The following CADPS variants were observed in gnomAD, a reference collection of about 807,000 sequenced individuals.
CADPS encodes the protein calcium dependent secretion activator.
Under a neutral mutation model 167.3 loss-of-function variants are expected in CADPS, and 57 were observed. The observed-to-expected ratio is 0.34, with a 90% CI of 0.28 to 0.42. The LOEUF is 0.42. Ranked by LOEUF, CADPS falls within the 20% of genes least tolerant of loss-of-function variation. The pLI is 1.00. For missense variants in CADPS, 1,414 were observed against 1,738.1 expected (o/e 0.81, Z 3.32); for synonymous variants, 676 against 635.3 (o/e 1.06, Z -0.96).
chr3:62,798,448 C>T (rs1375781642), intron 1 of CADPS, among the ~76,000 whole-genome samples: 2 of 152,132 alleles, frequency 1.3e-5, no homozygotes, highest in Non-Finnish European at 2.9e-5. Context: ...GAAGCCTGCA[C>T]TGTTGGCTTA....
At chr3:62,588,825 T>A (rs560052883) in intron 7 of CADPS, among the ~76,000 whole-genome samples, 1 of 152,252 alleles carries the variant, frequency 6.6e-6, no homozygotes, top group South Asian at 2.1e-4. Flanking sequence ...CCAAATATAA[T>A]GATTTCAGGC....
intron 16 of CADPS, among the ~76,000 whole-genome samples, chr3:62,515,601 AC>A (rs1285622038): frequency 6.6e-6 from 1 of 152,048 alleles, no homozygotes; most frequent in Non-Finnish European, 1.5e-5. Flanking sequence ...AAGACAAGGT[AC>A]TTTTGGGGGC....
chr3:62,702,700 T>C (rs1048595751), intron 3 of CADPS, among the ~76,000 whole-genome samples: 2 of 152,120 alleles, frequency 1.3e-5, no homozygotes, highest in Non-Finnish European at 2.9e-5. Flanking sequence ...GCCTTCTTCA[T>C]TATGACAGCT....
At chr3:62,859,700 A>G (rs777961553) in intron 1 of CADPS, among the ~76,000 whole-genome samples, 1 of 152,218 alleles carries the variant, frequency 6.6e-6, no homozygotes, top group Non-Finnish European at 1.5e-5. Context: ...AAGGCTGACA[A>G]ATTATGTGGG....
intron 1 of CADPS, among the ~76,000 whole-genome samples, chr3:62,781,076 T>C (rs973310412): frequency 6.6e-6 from 1 of 152,202 alleles, no homozygotes; most frequent in East Asian, 1.9e-4. Context: ...TCTGCTAATA[T>C]GAATGAGATA....
intron 22 of CADPS, among the ~76,000 whole-genome samples, chr3:62,480,190 C>G (rs1177993691): frequency 1.3e-5 from 2 of 152,018 alleles, no homozygotes; most frequent in Non-Finnish European, 2.9e-5. Context: ...GAGCAGTTAC[C>G]AAAATGTGTT....
At chr3:62,564,512 C>T (rs1274110127) in intron 9 of CADPS, among the ~76,000 whole-genome samples, 2 of 151,928 alleles carry the variant, frequency 1.3e-5, no homozygotes, top group Admixed American at 6.6e-5. Flanking sequence ...TTAGAGGAAC[C>T]ACAGAATATT....
At chr3:62,634,898 A>T (rs969358537) in intron 6 of CADPS, among the ~76,000 whole-genome samples, 2 of 152,144 alleles carry the variant, frequency 1.3e-5, no homozygotes, top group Admixed American at 1.3e-4. Flanking sequence ...GATAAGTGAG[A>T]TGAAGGAAGG....
chr3:62,823,412 T>A (rs1048175679), intron 1 of CADPS, among the ~76,000 whole-genome samples: 6 of 152,186 alleles, frequency 3.9e-5, no homozygotes, highest in African/African-American at 1.4e-4. Context: ...TTTTTCCTCA[T>A]TGAGGGCAAT....
chr3:62,527,648 G>T (rs559103314), intron 13 of CADPS, among the ~76,000 whole-genome samples: 1 of 152,294 alleles, frequency 6.6e-6, no homozygotes, highest in South Asian at 2.1e-4. Context: ...CAAGTTTCCA[G>T]AGCAGTTGGG....
In CADPS at chr3:62,873,137, A is replaced by G. The variant is rs566751755; in HGVS notation, c.441+1452T>C. ...GTGTGTAACCCACCTCCTGTCTCTC[A>G]CCCTGGAAATCAGTTTTATCTTTTA... is the stretch of plus-strand genomic sequence containing the variant. On this transcript the variant is annotated intron_variant, in intron 1 of 29. Transcript: ENST00000383710. Among the ~76,000 whole-genome samples, 5 of 152,330 alleles carry G rather than the reference A, an allele frequency of 3.3e-5. No individual in the cohort carries two copies. In the South Asian group the frequency reaches 1.0e-3, roughly 32 times the overall value.
chr3:62,766,277 A>T (rs2086840625), intron 1 of CADPS, among the ~76,000 whole-genome samples: 1 of 152,238 alleles, frequency 6.6e-6, no homozygotes, highest in African/African-American at 2.4e-5. Context: ...AGTGCTTTTG[A>T]GGTTACTTAC....
In CADPS at chr3:62,736,548, A is replaced by G. The variant is rs915089833; in HGVS notation, c.888+16893T>C. 2.6e-5 allele frequency among the ~76,000 whole-genome samples: 4 copies of G among 152,190 alleles called. No homozygotes were observed. The East Asian group carries it at 7.7e-4, about 29-fold the overall frequency. ...TTGCATAAACATTCTTGACCCATAA[A>G]TTCTACAACTTTCTATCTTACTCCA... On this transcript the variant is annotated intron_variant, in intron 3 of 29. Transcript: ENST00000383710.
intron 1 of CADPS, among the ~76,000 whole-genome samples, chr3:62,776,664 C>T (rs1365934686): frequency 6.6e-6 from 1 of 152,008 alleles, no homozygotes; most frequent in East Asian, 1.9e-4. Context: ...AAAACAACAA[C>T]AACAACAACA....
intron 6 of CADPS, among the ~76,000 whole-genome samples, chr3:62,608,991 TCTCA>T (rs1224314764): frequency 6.6e-6 from 1 of 152,198 alleles, no homozygotes; most frequent in African/African-American, 2.4e-5. Flanking sequence ...CTCTCCTTTA[TCTCA>T]GTCCCAAGGA....
At position 62,753,410 on chromosome 3, in the gene CADPS, C is replaced by T; in HGVS notation, c.888+31G>A. 1.3e-6 allele frequency: 2 copies of T among 1,523,238 alleles called. No homozygotes were observed. Among genetic ancestry groups the T allele is most frequent in the Non-Finnish European group, 1.8e-6 (2 of 1,110,946 alleles). 94.4% of individuals were successfully genotyped at this position (1,523,238 alleles called of 1,614,324 possible). On this transcript the variant is annotated intron_variant, in intron 3 of 29. Transcript: ENST00000383710. This position sits in a 1 kb window ranked among gnomAD's most constrained non-coding sequence, Gnocchi z 4.6. ...GTTGGAATGCAGCTCTGCTTACCCA[C>T]AGCTCTAGGCCCAGGCGAGAAACAC... is the stretch of plus-strand genomic sequence containing the variant.
In CADPS at chr3:62,420,099, G is replaced by A. The variant is rs1330374380; in HGVS notation, c.3778-16914C>T. On this transcript the variant is annotated intron_variant, in intron 28 of 29. Transcript: ENST00000383710. This position sits in a 1 kb window ranked among gnomAD's most constrained non-coding sequence, Gnocchi z 4.1. ...GTACATAATTTCCAGGCTATTACATGGAAAAAAATTCAGGTGAATAGGTAA... is the reference window on the plus strand; with the variant it reads ...GTACATAATTTCCAGGCTATTACATAGAAAAAAATTCAGGTGAATAGGTAA... Among the ~76,000 whole-genome samples, 1 of 151,964 alleles carries A rather than the reference G, an allele frequency of 6.6e-6. No homozygotes were observed. Among genetic ancestry groups the A allele is most frequent in the Non-Finnish European group, 1.5e-5 (1 of 68,004 alleles).
intron 3 of CADPS, among the ~76,000 whole-genome samples, chr3:62,679,422 CTA>C (rs1206219149): frequency 2.6e-5 from 4 of 151,900 alleles, no homozygotes; most frequent in African/African-American, 9.7e-5. Flanking sequence ...ATAGTCCCGG[CTA>C]TAGGAAGCTC....
Position 62,412,283 on chromosome 3 carries a change from G to A in CADPS, c.3778-9098C>T, listed in dbSNP as rs535628142. Among the ~76,000 whole-genome samples the A allele has an allele frequency of 1.6e-4, 24 of 150,044 alleles. No homozygotes were observed. In the Middle Eastern group the frequency reaches 0.021, roughly 129 times the overall value. ...AAAGTTTGGACGGCAGCTCCCTGAG[G>A]ACTCACTGACGGAGGAGTCTGAGAC... On this transcript the variant is annotated intron_variant, in intron 28 of 29. Coordinates refer to ENST00000383710, the MANE Select transcript of CADPS (RefSeq NM_003716.4). The surrounding 1 kb of genome is among the most constrained non-coding windows in gnomAD (Gnocchi z 4.1).
Sources: gnomAD v4.1 joint callset for allele counts (sites outside exome capture counted in the v4.1 genomes callset) on GRCh38, gnomAD v4.1.1 for gene constraint, Gnocchi (gnomAD v3.1) non-coding constraint, MANE v1.5 for transcripts, NCBI Gene and HGNC (gene_info 2026-07-23, HGNC 2026-07-21) for gene names.